TMEM182: variants seen among roughly 807,000 people sequenced by gnomAD.
The protein encoded by TMEM182 is transmembrane protein 182.
Under a neutral mutation model 26.8 loss-of-function variants are expected in TMEM182, and 20 were observed. The observed-to-expected ratio is 0.75, with a 90% CI of 0.53 to 1.09. The LOEUF is 1.09. Ranked by LOEUF, TMEM182 falls within the 50% of genes least tolerant of loss-of-function variation. The pLI is 0.00. For synonymous variants in TMEM182, 109 were observed against 102.2 expected (o/e 1.07, Z -0.40); for missense variants, 277 against 275.5 (o/e 1.01, Z -0.04).
intron 3 of TMEM182, among the ~76,000 whole-genome samples, chr2:102,824,471 T>A (rs370920822): frequency 6.6e-6 from 1 of 152,084 alleles, no homozygotes; most frequent in East Asian, 1.9e-4. Context: ...CAAGATTTGG[T>A]TGTTTAAAAG....
intron 3 of TMEM182, among the ~76,000 whole-genome samples, chr2:102,784,346 GT>G (rs1045148681): frequency 7.0e-6 from 1 of 142,654 alleles, no homozygotes; most frequent in Non-Finnish European, 1.5e-5. Context: ...GAAAGTATGT[GT>G]TTTTCTACCT....
intron 3 of TMEM182, among the ~76,000 whole-genome samples, chr2:102,777,383 C>T (rs958822070): frequency 3.9e-5 from 6 of 152,042 alleles, no homozygotes; most frequent in Non-Finnish European, 7.4e-5. Context: ...GTGTCAGCAC[C>T]ATTTATGGAA....
chr2:102,751,171 GCT>G (rs1679864077), intron 1 of TMEM182, among the ~76,000 whole-genome samples: 1 of 152,052 alleles, frequency 6.6e-6, no homozygotes, highest in African/African-American at 2.4e-5. Context: ...AAGGAGAATA[GCT>G]CTCTCTCGTG....
intron 1 of TMEM182, among the ~76,000 whole-genome samples, chr2:102,742,824 T>C (rs536027325): frequency 6.6e-6 from 1 of 152,128 alleles, no homozygotes; most frequent in South Asian, 2.1e-4. Flanking sequence ...AGAAAAATTA[T>C]CCTGCAAGAA....
intron 3 of TMEM182, among the ~76,000 whole-genome samples, chr2:102,777,959 A>G (rs1680993587): frequency 6.6e-6 from 1 of 151,956 alleles, no homozygotes; most frequent in African/African-American, 2.4e-5. Context: ...GTTCCTTGGT[A>G]CTTGAAAAGA....
At chr2:102,813,577 C>A (rs757103534) in intron 4 of TMEM182, among the ~76,000 whole-genome samples, 8 of 152,232 alleles carry the variant, frequency 5.3e-5, no homozygotes, top group Non-Finnish European at 1.2e-4. Context: ...GCTGTGTGTG[C>A]GGTTTGTGTA....
At chr2:102,826,608 C>T (rs550968240) in intron 3 of TMEM182, among the ~76,000 whole-genome samples, 15 of 152,026 alleles carry the variant, frequency 9.9e-5, no homozygotes, top group Admixed American at 2.0e-4. Flanking sequence ...TTTGAATTGC[C>T]GTACCATGTT....
chr2:102,754,019 G>A (rs1429740655), intron 1 of TMEM182, among the ~76,000 whole-genome samples: 1 of 152,162 alleles, frequency 6.6e-6, no homozygotes, highest in Non-Finnish European at 1.5e-5. Flanking sequence ...CGCCACACAA[G>A]AATCACAAAC....
intron 3 of TMEM182, among the ~76,000 whole-genome samples, chr2:102,788,017 A>C (rs908860735): frequency 3.0e-4 from 46 of 152,220 alleles, no homozygotes; most frequent in African/African-American, 1.0e-3. Context: ...TGCATATCAC[A>C]GTGTCCCAGT....
chr2:102,817,058 AC>A lies in TMEM182; in HGVS notation c.*2091del. The A allele has an allele frequency of 1.0e-6, 1 of 985,580 alleles. No individual in the cohort carries two copies. The highest frequency in any genetic ancestry group is 1.2e-6 in the Non-Finnish European group (1 of 829,944). 61.1% of individuals were successfully genotyped at this position (985,580 alleles called of 1,614,324 possible). A position where few individuals can be genotyped will look rare whatever the true frequency, so the allele number is the denominator to read the frequency against. On this transcript the variant is annotated 3_prime_UTR_variant, in exon 5 of 5. Coordinates refer to ENST00000412401, the MANE Select transcript of TMEM182 (RefSeq NM_144632.5). ...TATAGTTGTAATGCATCAATCAAAT[AC>A]ATTTCAAGCACATTTCTTGATCAAT... is the stretch of plus-strand genomic sequence containing the variant.
chr2:102,798,061 T>G, intron 4 of TMEM182, 61 bp downstream of exon 4: 4 of 1,551,134 alleles, frequency 2.6e-6, no homozygotes, highest in Non-Finnish European at 3.5e-6. Context: ...CTTTCTATTT[T>G]TCATTTCTAT....
intron 3 of TMEM182, among the ~76,000 whole-genome samples, chr2:102,824,351 A>C (rs964453056): frequency 6.6e-6 from 1 of 152,176 alleles, no homozygotes; most frequent in African/African-American, 2.4e-5. Flanking sequence ...TCCCTGCCCA[A>C]ATCTCATGTC....
At position 102,815,003 on chromosome 2, in the gene TMEM182, T is replaced by C. The variant is rs1343189680; in HGVS notation, c.*35T>C. 1 of 1,608,008 alleles carries C rather than the reference T, an allele frequency of 6.2e-7. No homozygotes were observed. The highest frequency in any genetic ancestry group is 1.7e-5 in the Admixed American group (1 of 59,128). ...TGCCACAAGTATTTTCTTGAGAGAT[T>C]TTAAAACAAGGAATACTTTTTTTCC... On this transcript the variant is annotated 3_prime_UTR_variant, in exon 5 of 5. Transcript: ENST00000412401.
chr2:102,772,467 G>T (rs188132611), intron 3 of TMEM182, among the ~76,000 whole-genome samples: 179 of 152,272 alleles, frequency 1.2e-3, no homozygotes, highest in African/African-American at 3.6e-3. Flanking sequence ...AACAGACGAG[G>T]TTTGTTTTGA....
chr2:102,793,678 A>C (rs1294157433), intron 3 of TMEM182, among the ~76,000 whole-genome samples: 1 of 152,222 alleles, frequency 6.6e-6, no homozygotes, highest in Non-Finnish European at 1.5e-5. Flanking sequence ...TGCAAGTACT[A>C]GGTAAATTGT....
At chr2:102,765,648 T>G (rs1680401834) in intron 3 of TMEM182, among the ~76,000 whole-genome samples, 1 of 152,206 alleles carries the variant, frequency 6.6e-6, no homozygotes, top group South Asian at 2.1e-4. Context: ...ACATTATAAT[T>G]TTTAGTTTTG....
chr2:102,826,092 C>G (rs576435131), intron 3 of TMEM182, among the ~76,000 whole-genome samples: 1 of 152,292 alleles, frequency 6.6e-6, no homozygotes, highest in Non-Finnish European at 1.5e-5. Flanking sequence ...AGATTTAGTG[C>G]TTGGGCTTGA....
At chr2:102,758,000 T>G (rs1389014810), upstream of TMEM182, among the ~76,000 whole-genome samples, 5 of 152,098 alleles carry the variant, frequency 3.3e-5, no homozygotes, top group Non-Finnish European at 7.4e-5. Flanking sequence ...TCCAATCACC[T>G]CCCACCAGGT....
At chr2:102,793,227 G>A (rs1007536742) in intron 3 of TMEM182, among the ~76,000 whole-genome samples, 7 of 152,176 alleles carry the variant, frequency 4.6e-5, no homozygotes, top group Non-Finnish European at 7.3e-5. Flanking sequence ...AGAGGTCACC[G>A]TGCATTGGCT....
Sources: allele counts gnomAD v4.1 joint callset (sites outside exome capture counted in the v4.1 genomes callset), GRCh38; gene constraint gnomAD v4.1.1; transcripts MANE v1.5; gene names NCBI Gene and HGNC (gene_info 2026-07-23, HGNC 2026-07-21).